Variants in GPR157 observed in about 807,000 individuals in gnomAD.
The protein encoded by GPR157 is G-protein coupled receptor 157.
GPR157 carries 16 observed loss-of-function variants against 23.5 expected under a neutral mutation model. The observed-to-expected ratio is 0.68, with a 90% confidence interval of 0.46 to 1.04. The LOEUF (loss-of-function observed/expected upper bound fraction) is 1.04, where lower values mean the gene tolerates loss of function less well. Ranked by LOEUF, GPR157 falls within the 50% of genes least tolerant of loss-of-function variation. GPR157 has a pLI of 0.00. For missense variants in GPR157, 440 were observed against 460.7 expected, an observed-to-expected ratio of 0.96 and a Z score of 0.41; for synonymous variants, 200 against 221.5, an observed-to-expected ratio of 0.90 and a Z score of 0.86.
rs780831738 is a variant in GPR157 at position 9,105,535 on chromosome 1, G to A, written c.743C>T (p.Thr248Ile). ...RVWSTVRFVL[T>I]LCGSPAVQTP... ...CTGCACGGCCGGGGAGCCACAGAGG[G>A]TCAGCACGAACCGCACGGTGCTCCA... Residue 248 changes from threonine to isoleucine, a missense_variant, in exon 3 of 4, where the codon ACC (threonine) becomes ATC (isoleucine). By Grantham distance (89) the Thr-to-Ile change is moderately conservative (BLOSUM62 -1). Transcript: ENST00000377411. The surrounding 1 kb of genome is among the most constrained non-coding windows in gnomAD (Gnocchi z 4.8). The A allele has an allele frequency of 6.3e-7, 1 of 1,594,374 alleles. No individual in the cohort carries two copies. Among genetic ancestry groups the A allele is most frequent in the Non-Finnish European group, 8.5e-7 (1 of 1,171,448 alleles).
chr1:9,109,712 C>T (rs576691522), intron 2 of GPR157, among the ~76,000 whole-genome samples: 1 of 152,236 alleles, frequency 6.6e-6, no homozygotes, highest in Admixed American at 6.5e-5. Context: ...AGATTTCAGA[C>T]CAATGGGAAG....
intron 1 of GPR157, among the ~76,000 whole-genome samples, chr1:9,116,698 C>T (rs1487454036): frequency 6.7e-6 from 1 of 148,226 alleles, no homozygotes; most frequent in East Asian, 2.1e-4. Flanking sequence ...GAGCCAAGAT[C>T]GTGCCACTGC....
In GPR157 at chr1:9,107,646, G is replaced by A. The variant is rs374527802; in HGVS notation, c.598-1966C>T. Among the ~76,000 whole-genome samples the A allele has an allele frequency of 8.8e-4, 134 of 151,882 alleles. 2 individuals are homozygous for A. Among genetic ancestry groups the A allele is most frequent in the African/African-American group, 3.2e-3 (131 of 41,444 alleles). ...CTAAAAATACAAAATTAGGCTAGGC[G>A]CGGGCACAGTGGCTCATGCCTGTAA... is the stretch of plus-strand genomic sequence containing the variant. On this transcript the variant is annotated intron_variant, in intron 2 of 3. Coordinates refer to ENST00000377411, the MANE Select transcript of GPR157 (RefSeq NM_024980.5).
chr1:9,109,431 C>T (rs745455518), intron 2 of GPR157, among the ~76,000 whole-genome samples: 22 of 151,822 alleles, frequency 1.4e-4, no homozygotes, highest in Non-Finnish European at 2.5e-4. Context: ...CTTGCTCTGT[C>T]GCCCAGGCTG....
chr1:9,123,289 TTA>T (rs1491164836), intron 1 of GPR157, among the ~76,000 whole-genome samples: 19 of 22,636 alleles, frequency 8.4e-4, no homozygotes, highest in East Asian at 3.6e-3. Context: ...TATATTTAAA[TTA>T]ATATATATTT....
In GPR157 at chr1:9,105,474, G is replaced by A; in HGVS notation, c.792+12C>T. On this transcript the variant is annotated intron_variant, in intron 3 of 3. Coordinates refer to ENST00000377411, the MANE Select transcript of GPR157 (RefSeq NM_024980.5). The surrounding 1 kb of genome is among the most constrained non-coding windows in gnomAD (Gnocchi z 4.8). ...GGGCAGGGACGACAAGGGCCAGGGA[G>A]GGCAGACCTACATGCAGAACCACCA... 1 of 1,544,620 alleles carries A rather than the reference G, an allele frequency of 6.5e-7. No homozygotes were observed. The highest frequency in any genetic ancestry group is 8.8e-7 in the Non-Finnish European group (1 of 1,141,428).
rs1393331776 is a variant in GPR157, at chr1:9,118,182, C to T, written c.384-6693G>A. Among the ~76,000 whole-genome samples the T allele has an allele frequency of 6.6e-6, 1 of 152,128 alleles. No homozygotes were observed. Among genetic ancestry groups the T allele is most frequent in the Non-Finnish European group, 1.5e-5 (1 of 68,010 alleles). ...ATGGTTAAAAAGTCTTGAAGAGGAC[C>T]TGGTGGTGGAGAAGTGGTTAGATGC... On this transcript the variant is annotated intron_variant, in intron 1 of 3. Coordinates refer to ENST00000377411, the MANE Select transcript of GPR157 (RefSeq NM_024980.5). The surrounding 1 kb of genome is among the most constrained non-coding windows in gnomAD (Gnocchi z 4.6).
chr1:9,128,087 A>T lies in GPR157; in HGVS notation c.383+558T>A, dbSNP rs1037078492. ...CAAGATCATCTAGAACAGAAATACA[A>T]GGGGCTGGGGCCTGAGGCTAGAAAC... On this transcript the variant is annotated intron_variant, in intron 1 of 3. Transcript: ENST00000377411. The surrounding 1 kb of genome is among the most constrained non-coding windows in gnomAD (Gnocchi z 6.3). Among the ~76,000 whole-genome samples the T allele has an allele frequency of 1.3e-5, 2 of 152,180 alleles. No individual in the cohort carries two copies. Among genetic ancestry groups the T allele is most frequent in the African/African-American group, 4.8e-5 (2 of 41,460 alleles).
rs1232408775 is a variant in GPR157, at chr1:9,105,385, C to T, written c.792+101G>A. On this transcript the variant is annotated intron_variant, in intron 3 of 3. Coordinates refer to ENST00000377411, the MANE Select transcript of GPR157 (RefSeq NM_024980.5). The surrounding 1 kb of genome is among the most constrained non-coding windows in gnomAD (Gnocchi z 4.8). ...GGCCGAGCTCCTCCCTGCAGCTGTG[C>T]CTTGGCCGACACTGGGGTGCAGCCA... is the stretch of plus-strand genomic sequence containing the variant. 2.7e-6 allele frequency: 3 copies of T among 1,103,420 alleles called. No individual in the cohort carries two copies. 68.4% of individuals were successfully genotyped at this position (1,103,420 alleles called of 1,614,324 possible). A position where few individuals can be genotyped will look rare whatever the true frequency, so the allele number is the denominator to read the frequency against.
intron 3 of GPR157, among the ~76,000 whole-genome samples, chr1:9,105,000 C>T (rs1316044252): frequency 1.7e-5 from 2 of 118,704 alleles, no homozygotes; most frequent in East Asian, 2.4e-4. Context: ...ACTCTGTCCC[C>T]GCACCCCCCC....
intron 1 of GPR157, among the ~76,000 whole-genome samples, chr1:9,117,718 C>T (rs546883099): frequency 1.3e-5 from 2 of 151,938 alleles, no homozygotes; most frequent in African/African-American, 4.8e-5. Flanking sequence ...ACTGAGATCG[C>T]GCCACTGTAC....
At chr1:9,126,539 T>C (rs967313194) in intron 1 of GPR157, among the ~76,000 whole-genome samples, 3 of 152,232 alleles carry the variant, frequency 2.0e-5, no homozygotes, top group Non-Finnish European at 4.4e-5. Flanking sequence ...TCCAGTAGTA[T>C]GAAATGGTTA....
intron 1 of GPR157, among the ~76,000 whole-genome samples, chr1:9,121,483 C>T (rs906536396): frequency 6.7e-6 from 1 of 149,148 alleles, no homozygotes; most frequent in Non-Finnish European, 1.5e-5. Flanking sequence ...ACTAAAAATA[C>T]AAAAAAATTA....
In GPR157 at chr1:9,118,523, T is replaced by C. The variant is rs1638733169; in HGVS notation, c.384-7034A>G. Among the ~76,000 whole-genome samples the C allele has an allele frequency of 2.6e-5, 4 of 152,162 alleles. No individual in the cohort carries two copies. ...GTACCTGGGCCCCAGTTCCAACTTG[T>C]ATTTGCCTAGAAATGAAAGCCAGAC... On this transcript the variant is annotated intron_variant, in intron 1 of 3. Transcript: ENST00000377411. This position sits in a 1 kb window ranked among gnomAD's most constrained non-coding sequence, Gnocchi z 4.6.
intron 1 of GPR157, among the ~76,000 whole-genome samples, chr1:9,119,720 G>A (rs576736787): frequency 2.6e-5 from 4 of 152,268 alleles, no homozygotes; most frequent in South Asian, 4.1e-4. Context: ...AAGCTGGGCC[G>A]GGACCCTCCA....
In GPR157 at chr1:9,128,260, A is replaced by G. The variant is rs1639007334; in HGVS notation, c.383+385T>C. 1 of 500,080 alleles carries G rather than the reference A, an allele frequency of 2.0e-6. No homozygotes were observed. Among genetic ancestry groups the G allele is most frequent in the African/African-American group, 1.9e-5 (1 of 51,768 alleles). The allele number at this position is 500,080 out of a possible 1,614,324, so 31.0% of individuals were successfully genotyped here. ...GCAGTTGCCGGCTCTCCAGCCCGGG[A>G]CAGTTACCTAACTCGTCTCCCAGCC... is the stretch of plus-strand genomic sequence containing the variant. On this transcript the variant is annotated intron_variant, in intron 1 of 3. Transcript: ENST00000377411. This position sits in a 1 kb window ranked among gnomAD's most constrained non-coding sequence, Gnocchi z 6.3.
intron 1 of GPR157, among the ~76,000 whole-genome samples, chr1:9,119,623 C>CGGTA (rs1557699268): frequency 1.3e-5 from 2 of 152,120 alleles, no homozygotes. Flanking sequence ...TCCTGGCAGG[C>CGGTA]GGTACTATCC....
rs1638739036 is a variant in GPR157, at chr1:9,118,768, T to C, written c.384-7279A>G. 6.6e-6 allele frequency among the ~76,000 whole-genome samples: 1 copy of C among 152,184 alleles called. No homozygotes were observed. The highest frequency in any genetic ancestry group is 2.4e-5 in the African/African-American group (1 of 41,446). ...ACTTAAGAGGAAAGGCTGGGCATGG[T>C]GGCTCACACCTGTAATCCCAGCACT... On this transcript the variant is annotated intron_variant, in intron 1 of 3. Coordinates refer to ENST00000377411, the MANE Select transcript of GPR157 (RefSeq NM_024980.5). The surrounding 1 kb of genome is among the most constrained non-coding windows in gnomAD (Gnocchi z 4.6).
chr1:9,112,292 C>T (rs1638528460), intron 1 of GPR157, among the ~76,000 whole-genome samples: 1 of 152,224 alleles, frequency 6.6e-6, no homozygotes, highest in African/African-American at 2.4e-5. Context: ...TTCTGCTTAC[C>T]TTCGGCAGGC....
Sources: allele counts gnomAD v4.1 joint callset (sites outside exome capture counted in the v4.1 genomes callset), GRCh38; gene constraint gnomAD v4.1.1; non-coding constraint Gnocchi (gnomAD v3.1); transcripts MANE v1.5; gene names NCBI Gene and HGNC (gene_info 2026-07-23, HGNC 2026-07-21).